The following CFAP20DC variants were observed in gnomAD, a reference collection of about 807,000 sequenced individuals.
The protein encoded by CFAP20DC is CFAP20 domain containing, also known as protein CFAP20DC.
In CFAP20DC, 84 loss-of-function variants were observed where a neutral mutation model predicts 101.7. The ratio of observed to expected loss-of-function variants is 0.83; its 90% confidence interval spans 0.69 to 0.99. The LOEUF (loss-of-function observed/expected upper bound fraction) is 0.99, where lower values mean the gene tolerates loss of function less well. Among genes scored for constraint, CFAP20DC ranks in the 50% least tolerant of loss-of-function variants. The pLI is 0.00. For synonymous variants in CFAP20DC, 359 were observed against 351.2 expected, an observed-to-expected ratio of 1.02 and a Z score of -0.25; for missense variants, 1,007 against 970.3, an observed-to-expected ratio of 1.04 and a Z score of -0.50.
At chr3:58,917,175 G>T (rs1249875666) in intron 5 of CFAP20DC, among the ~76,000 whole-genome samples, 1 of 152,108 alleles carries the variant, frequency 6.6e-6, no homozygotes, top group Non-Finnish European at 1.5e-5. Context: ...GCATAAAGGA[G>T]TTGGCTGGCA....
At chr3:58,753,914 T>A (rs1239709554) in intron 15 of CFAP20DC, 51 bp from the exon 16 acceptor site, 2 of 1,299,086 alleles carry the variant, frequency 1.5e-6, no homozygotes, top group South Asian at 2.6e-5. Context: ...ATATATAGAT[T>A]TTAGGTTTCC....
intron 15 of CFAP20DC, among the ~76,000 whole-genome samples, chr3:58,801,357 A>T (rs770496252): frequency 6.6e-6 from 1 of 152,250 alleles, no homozygotes; most frequent in Non-Finnish European, 1.5e-5. Flanking sequence ...AACAGGAAAC[A>T]GTAATAACAC....
At chr3:58,972,411 G>A (rs2092002927) in intron 4 of CFAP20DC, among the ~76,000 whole-genome samples, 1 of 152,138 alleles carries the variant, frequency 6.6e-6, no homozygotes, top group African/African-American at 2.4e-5. Flanking sequence ...GGTCCCTGGA[G>A]TCAGAGGATG....
chr3:58,990,046 G>C (rs1442413596), intron 4 of CFAP20DC, among the ~76,000 whole-genome samples: 1 of 152,138 alleles, frequency 6.6e-6, no homozygotes, highest in Non-Finnish European at 1.5e-5. Flanking sequence ...AGAGGTGCCT[G>C]CAATGTACTG....
chr3:58,772,135 G>A (rs557134516), intron 15 of CFAP20DC, among the ~76,000 whole-genome samples: 3 of 152,132 alleles, frequency 2.0e-5, no homozygotes, highest in Admixed American at 6.6e-5. Context: ...CTGTGAGAGC[G>A]AGGATCTTAA....
At chr3:58,763,444 T>A (rs1298052269) in intron 15 of CFAP20DC, among the ~76,000 whole-genome samples, 2 of 152,130 alleles carry the variant, frequency 1.3e-5, no homozygotes, top group Non-Finnish European at 2.9e-5. Context: ...TTCGTCTAAT[T>A]TTTTTTCAAG....
chr3:58,763,448 T>C (rs1480994001), intron 15 of CFAP20DC, among the ~76,000 whole-genome samples: 3 of 152,208 alleles, frequency 2.0e-5, no homozygotes, highest in African/African-American at 7.2e-5. Flanking sequence ...TCTAATTTTT[T>C]TTCAAGGTTT....
chr3:58,988,366 C>A (rs2092820525), intron 4 of CFAP20DC, among the ~76,000 whole-genome samples: 1 of 152,038 alleles, frequency 6.6e-6, no homozygotes, highest in South Asian at 2.1e-4. Context: ...TAAATAACTC[C>A]CAAATTTCGG....
At chr3:58,807,408 T>C (rs2074186766) in intron 14 of CFAP20DC, among the ~76,000 whole-genome samples, 1 of 152,172 alleles carries the variant, frequency 6.6e-6, no homozygotes, top group South Asian at 2.1e-4. Flanking sequence ...TCGTGGTTCA[T>C]GAAAATCCGC....
intron 4 of CFAP20DC, among the ~76,000 whole-genome samples, chr3:58,961,685 A>C (rs2091148047): frequency 1.3e-5 from 2 of 152,096 alleles, no homozygotes; most frequent in South Asian, 4.1e-4. Flanking sequence ...TTAAATTATT[A>C]ACTCAATTTC....
rs190329937 is a variant in CFAP20DC, at chr3:59,009,610, C to T, written c.278+29947G>A. ...CAAACAGAAGAACAATTGGTGTTCC[C>T]GAGGAAGAAGAGAAATATACACATT... On this transcript the variant is annotated intron_variant, in intron 4 of 16. Coordinates refer to ENST00000482387, the MANE Select transcript of CFAP20DC (RefSeq NM_001394063.1). Among the ~76,000 whole-genome samples the T allele has an allele frequency of 7.0e-4, 107 of 152,028 alleles. 1 individual carries two copies. The highest frequency in any genetic ancestry group is 3.4e-3 in the Middle Eastern group (1 of 294).
At chr3:58,866,965 T>A (rs1237169896) in intron 10 of CFAP20DC, among the ~76,000 whole-genome samples, 2 of 152,178 alleles carry the variant, frequency 1.3e-5, no homozygotes, top group Non-Finnish European at 2.9e-5. Flanking sequence ...ACCCATAAAA[T>A]TTTTAAAGGA....
Position 58,882,947 on chromosome 3 carries a change from A to G in CFAP20DC, c.715+1598T>C, listed in dbSNP as rs184228502. Among the ~76,000 whole-genome samples, 1 of 152,368 alleles carries G rather than the reference A, an allele frequency of 6.6e-6. No homozygotes were observed. The highest frequency in any genetic ancestry group is 6.5e-5 in the Admixed American group (1 of 15,302). ...TTATACATAGTCATCTGCAGGATTT[A>G]TACTGAAAAGGTTACCAAATAGGTC... is the stretch of plus-strand genomic sequence containing the variant. On this transcript the variant is annotated intron_variant, in intron 7 of 16. Coordinates refer to ENST00000482387, the MANE Select transcript of CFAP20DC (RefSeq NM_001394063.1). This position sits in a 1 kb window ranked among gnomAD's most constrained non-coding sequence, Gnocchi z 4.2.
chr3:58,741,642 G>A (rs988202230), downstream of CFAP20DC, among the ~76,000 whole-genome samples: 8 of 152,006 alleles, frequency 5.3e-5, no homozygotes, highest in East Asian at 1.2e-3. Flanking sequence ...GACTACAGGC[G>A]CCCTCCACCA....
chr3:58,969,492 CAT>C (rs1188262906), intron 4 of CFAP20DC, among the ~76,000 whole-genome samples: 1 of 152,152 alleles, frequency 6.6e-6, no homozygotes, highest in African/African-American at 2.4e-5. Context: ...GGATTGAAAA[CAT>C]ATGTCCACAC....
rs1423695415 is a variant in CFAP20DC, at chr3:58,818,249, C to T, written c.2176-11793G>A. ...TGCATCGACTAATGAGCAAAATCAC[C>T]AGCTAACATCATAATGACAGGATCA... On this transcript the variant is annotated intron_variant, in intron 14 of 16. Coordinates refer to ENST00000482387, the MANE Select transcript of CFAP20DC (RefSeq NM_001394063.1). Among the ~76,000 whole-genome samples the T allele has an allele frequency of 2.6e-5, 4 of 151,058 alleles. 1 individual carries two copies. Among genetic ancestry groups the T allele is most frequent in the African/African-American group, 9.8e-5 (4 of 41,006 alleles).
intron 15 of CFAP20DC, among the ~76,000 whole-genome samples, chr3:58,766,220 C>T (rs1290342822): frequency 2.6e-5 from 4 of 152,132 alleles, no homozygotes; most frequent in East Asian, 1.9e-4. Flanking sequence ...AATAGGTTTA[C>T]GAATGGGCAT....
chr3:58,723,451 G>A (rs546480228), intron 3 of CFAP20DC, among the ~76,000 whole-genome samples: 1 of 152,298 alleles, frequency 6.6e-6, no homozygotes, highest in African/African-American at 2.4e-5. Flanking sequence ...GAACACATAA[G>A]ATGGTATTTA....
At chr3:58,757,952 A>C (rs1019419614) in intron 15 of CFAP20DC, among the ~76,000 whole-genome samples, 5 of 152,176 alleles carry the variant, frequency 3.3e-5, no homozygotes, top group Non-Finnish European at 7.4e-5. Flanking sequence ...GGCTAAACAA[A>C]ATCAACCAGG....
Sources: gnomAD v4.1 joint callset for allele counts (sites outside exome capture counted in the v4.1 genomes callset) on GRCh38, gnomAD v4.1.1 for gene constraint, Gnocchi (gnomAD v3.1) non-coding constraint, MANE v1.5 for transcripts, NCBI Gene and HGNC (gene_info 2026-07-23, HGNC 2026-07-21) for gene names.